ELL: variants seen among roughly 807,000 people sequenced by gnomAD.
ELL encodes the protein RNA polymerase II elongation factor ELL.
A neutral mutation model predicts 64.0 loss-of-function variants in ELL; 18 were observed. That is an observed-to-expected ratio of 0.28 (90% CI 0.19 to 0.42). ELL has a LOEUF of 0.42. ELL is among the 10% of genes least tolerant of loss of function. ELL has a pLI of 1.00. For missense variants in ELL, 797 were observed against 870.4 expected, an observed-to-expected ratio of 0.92 and a Z score of 1.06; for synonymous variants, 399 against 376.2, an observed-to-expected ratio of 1.06 and a Z score of -0.70.
rs1228109196 is a variant in ELL, at chr19:18,451,102, C to T, written c.967-127G>A. ...CCCACGCTGGCCACATGGGGGCGCC[C>T]GAGCACCAAGTCAGGTCCCAGGTGC... On this transcript the variant is annotated intron_variant, in intron 7 of 11. Coordinates refer to ENST00000262809, the MANE Select transcript of ELL (RefSeq NM_006532.4). 2.3e-6 allele frequency: 3 copies of T among 1,313,214 alleles called. No individual in the cohort carries two copies. In the East Asian group the frequency reaches 7.9e-5, roughly 35 times the overall value. 81.3% of individuals were successfully genotyped at this position (1,313,214 alleles called of 1,614,324 possible).
Position 18,464,492 on chromosome 19 carries a change from CA to C in ELL, c.469+919del, listed in dbSNP as rs1402270687. Among the ~76,000 whole-genome samples the C allele has an allele frequency of 5.8e-5, 3 of 51,744 alleles. No individual in the cohort carries two copies. In the African/African-American group the frequency reaches 7.0e-4, roughly 12 times the overall value. 33.9% of individuals were successfully genotyped at this position (51,744 alleles called of 152,430 possible). A position where few individuals can be genotyped will look rare whatever the true frequency, so the allele number is the denominator to read the frequency against. On this transcript the variant is annotated intron_variant, in intron 4 of 11. Coordinates refer to ENST00000262809, the MANE Select transcript of ELL (RefSeq NM_006532.4). ...GGACAACCCGGGCTCCCTGGCCATA[CA>C]ACATGTCCACCCGGACTCAGTGTTG...
chr19:18,471,955 A>C (rs900014025), intron 2 of ELL, among the ~76,000 whole-genome samples: 2 of 151,476 alleles, frequency 1.3e-5, no homozygotes, highest in African/African-American at 4.8e-5. Context: ...CGTGGAAGAC[A>C]ATTTTTCTTT....
intron 1 of ELL, among the ~76,000 whole-genome samples, chr19:18,507,893 C>T (rs543250299): frequency 1.2e-4 from 18 of 152,358 alleles, no homozygotes; most frequent in South Asian, 4.1e-4. Flanking sequence ...AGCTCCATCC[C>T]CAGAGATGAG....
intron 7 of ELL, 58 bp from the exon 8 acceptor site, chr19:18,451,033 GCAATCC>G: frequency 6.8e-7 from 1 of 1,471,920 alleles, no homozygotes; most frequent in Non-Finnish European, 9.0e-7. Context: ...GCAGCAACAG[GCAATCC>G]CCTGGCCTGG....
chr19:18,453,196 C>G (rs547895129), intron 6 of ELL, among the ~76,000 whole-genome samples: 1 of 152,338 alleles, frequency 6.6e-6, no homozygotes, highest in Non-Finnish European at 1.5e-5. Context: ...ATCACTTGAA[C>G]CCGGGAGGCG....
At chr19:18,477,407 C>T (rs1454506292) in intron 1 of ELL, among the ~76,000 whole-genome samples, 2 of 152,134 alleles carry the variant, frequency 1.3e-5, no homozygotes, top group Non-Finnish European at 2.9e-5. Flanking sequence ...TGAGGGCAGG[C>T]GGGGGATCTG....
At chr19:18,485,772 G>A (rs1975400125) in intron 1 of ELL, among the ~76,000 whole-genome samples, 2 of 152,146 alleles carry the variant, frequency 1.3e-5, no homozygotes, top group Admixed American at 6.5e-5. Context: ...GGATCACGAG[G>A]TCAGGAGATT....
At chr19:18,464,692 T>C (rs1255444327) in intron 4 of ELL, among the ~76,000 whole-genome samples, 2 of 152,262 alleles carry the variant, frequency 1.3e-5, no homozygotes, top group Non-Finnish European at 2.9e-5. Flanking sequence ...TCGTCTGCTC[T>C]GAGCCATCTC....
intron 2 of ELL, among the ~76,000 whole-genome samples, chr19:18,468,575 C>T (rs1974999902): frequency 6.6e-6 from 1 of 152,194 alleles, no homozygotes; most frequent in South Asian, 2.1e-4. Context: ...AAGCTGGGGA[C>T]CACACGTCCA....
At chr19:18,504,751 C>G (rs532474021) in intron 1 of ELL, among the ~76,000 whole-genome samples, 1 of 152,182 alleles carries the variant, frequency 6.6e-6, no homozygotes, top group South Asian at 2.1e-4. Flanking sequence ...TATCTCCCCC[C>G]ACCAACACAC....
In ELL at chr19:18,501,113, C is replaced by T. The variant is rs1975771722; in HGVS notation, c.135+20808G>A. Among the ~76,000 whole-genome samples, 1 of 152,052 alleles carries T rather than the reference C, an allele frequency of 6.6e-6. No homozygotes were observed. The highest frequency in any genetic ancestry group is 2.1e-4 in the South Asian group (1 of 4,820). ...ACACCCAGGAGAAGAACGAGCGGGC[C>T]ACGACACTGTTCTCGCCAGCTATGC... On this transcript the variant is annotated intron_variant, in intron 1 of 11. Coordinates refer to ENST00000262809, the MANE Select transcript of ELL (RefSeq NM_006532.4). The surrounding 1 kb of genome is among the most constrained non-coding windows in gnomAD (Gnocchi z 4.5).
At chr19:18,500,612 C>G (rs531368536) in intron 1 of ELL, among the ~76,000 whole-genome samples, 4 of 152,162 alleles carry the variant, frequency 2.6e-5, no homozygotes, top group Non-Finnish European at 5.9e-5. Context: ...ATGGAGAGGT[C>G]GACTGGTCCC....
chr19:18,488,937 G>A (rs771371910), intron 1 of ELL, among the ~76,000 whole-genome samples: 2 of 152,186 alleles, frequency 1.3e-5, no homozygotes, highest in Non-Finnish European at 2.9e-5. Flanking sequence ...GTCCTGGACC[G>A]GCTGACCAGA....
intron 8 of ELL, among the ~76,000 whole-genome samples, chr19:18,447,322 G>C (rs1974436735): frequency 6.6e-6 from 1 of 152,250 alleles, no homozygotes; most frequent in African/African-American, 2.4e-5. Flanking sequence ...AGCAGGGCCT[G>C]CATCTCTTGC....
chr19:18,469,935 C>T (rs565156344), intron 2 of ELL, among the ~76,000 whole-genome samples: 1 of 152,356 alleles, frequency 6.6e-6, no homozygotes, highest in South Asian at 2.1e-4. Flanking sequence ...GGGGGCGTTC[C>T]GACAACGATG....
At chr19:18,451,495 C>A (rs1452679867) in intron 7 of ELL, 57 bp downstream of exon 7, 6 of 1,362,594 alleles carry the variant, frequency 4.4e-6, no homozygotes, top group Non-Finnish European at 4.8e-6. Context: ...GTTACTGATG[C>A]AGCACAGAGT....
chr19:18,510,196 C>T (rs997482409), intron 1 of ELL, among the ~76,000 whole-genome samples: 4 of 152,202 alleles, frequency 2.6e-5, no homozygotes, highest in South Asian at 2.1e-4. Context: ...GGTGAAACCC[C>T]GTCTCTACTA....
chr19:18,454,798 G>A (rs542140072), intron 6 of ELL, among the ~76,000 whole-genome samples: 8 of 135,356 alleles, frequency 5.9e-5, no homozygotes, highest in South Asian at 2.3e-4. Context: ...CAGAGATTGC[G>A]CCACTGCACT....
At chr19:18,452,146 G>A (rs895951458) in intron 6 of ELL, among the ~76,000 whole-genome samples, 3 of 152,196 alleles carry the variant, frequency 2.0e-5, no homozygotes. Context: ...CCCAGTGCAT[G>A]CCCCTTCTCC....
Sources: gnomAD v4.1 joint callset for allele counts (sites outside exome capture counted in the v4.1 genomes callset) on GRCh38, gnomAD v4.1.1 for gene constraint, Gnocchi (gnomAD v3.1) non-coding constraint, MANE v1.5 for transcripts, NCBI Gene and HGNC (gene_info 2026-07-23, HGNC 2026-07-21) for gene names.